The following USP7 variants were observed in gnomAD, a reference collection of about 807,000 sequenced individuals.
USP7 encodes ubiquitin C-terminal hydrolase 7.
In USP7, 9 loss-of-function variants were observed where a neutral mutation model predicts 162.9. The ratio of observed to expected loss-of-function variants is 0.06; its 90% CI spans 0.03 to 0.10. The LOEUF (loss-of-function observed/expected upper bound fraction) is 0.10. Ranked by LOEUF, USP7 falls within the 10% of genes least tolerant of loss-of-function variation. The probability of loss-of-function intolerance (pLI) is 1.00; values close to 1 mark genes in which losing one functional copy is unlikely to be tolerated. For missense variants in USP7, 715 were observed against 1,373.7 expected (o/e 0.52, Z 7.58); for synonymous variants, 562 against 475.9 (o/e 1.18, Z -2.35).
chr16:8,900,707 T>G (rs1007335733), intron 20 of USP7, 77 bp from the exon 21 acceptor site: 5 of 1,065,778 alleles, frequency 4.7e-6, no homozygotes, highest in Non-Finnish European at 6.9e-6. Flanking sequence ...TTCCATGTAC[T>G]TAAGTATTTT....
intron 1 of USP7, chr16:8,936,785 T>C (rs2141243306): frequency 1.5e-6 from 2 of 1,305,922 alleles, no homozygotes; most frequent in Non-Finnish European, 2.0e-6. Context: ...GCAACCTCAA[T>C]TTAGATAAGG....
chr16:8,962,331 A>T (rs571561072), intron 1 of USP7: 5 of 181,722 alleles, frequency 2.8e-5, no homozygotes, highest in Middle Eastern at 5.0e-4. Context: ...GTCGTGAGAA[A>T]AAGTGCCTTC....
In USP7 at chr16:8,900,941, C is replaced by T. The variant is rs754915162; in HGVS notation, c.2208+49G>A. ...GGTAAAAAGAACAAACAAAACCCTC[C>T]ACAAACTACTAAGAATATACTAATT... On this transcript the variant is annotated intron_variant, in intron 20 of 30. Transcript: ENST00000344836. The T allele has an allele frequency of 2.6e-5, 41 of 1,589,034 alleles. No individual in the cohort carries two copies. The East Asian group carries it at 6.9e-4, about 27-fold the overall frequency.
intron 11 of USP7, among the ~76,000 whole-genome samples, chr16:8,910,409 C>T (rs11648031): frequency 0.031 from 4,745 of 152,250 alleles, 97 homozygotes; most frequent in Non-Finnish European, 0.045. Context: ...CACAGTCCAA[C>T]TTACTAAGAA....
intron 1 of USP7, among the ~76,000 whole-genome samples, chr16:8,936,179 G>T (rs1249663000): frequency 6.6e-6 from 1 of 152,086 alleles, no homozygotes; most frequent in Non-Finnish European, 1.5e-5. Flanking sequence ...TCTCCACTCA[G>T]CCCCCCAGAT....
At chr16:8,925,628 C>G (rs1897944160) in intron 2 of USP7, among the ~76,000 whole-genome samples, 1 of 152,170 alleles carries the variant, frequency 6.6e-6, no homozygotes, top group African/African-American at 2.4e-5. Context: ...GCTGCCCAGC[C>G]CCGCAGAGGC....
At chr16:8,961,834 A>G (rs1900027928) in intron 1 of USP7, among the ~76,000 whole-genome samples, 1 of 152,192 alleles carries the variant, frequency 6.6e-6, no homozygotes, top group South Asian at 2.1e-4. Flanking sequence ...CACACATAAC[A>G]GGCGCTCTTA....
chr16:8,908,271 A>C, intron 12 of USP7, 70 bp downstream of exon 12: 2 of 1,239,194 alleles, frequency 1.6e-6, no homozygotes, highest in Non-Finnish European at 2.4e-6. Context: ...AGACTGAGGA[A>C]AGCACTGAGA....
chr16:8,947,053 G>C (rs1014800830), intron 1 of USP7, among the ~76,000 whole-genome samples: 1 of 152,120 alleles, frequency 6.6e-6, no homozygotes, highest in Non-Finnish European at 1.5e-5. Flanking sequence ...TCAGAGAATA[G>C]TCAATCATTC....
rs1214470808 is a variant in USP7 at position 8,963,821 on chromosome 16, G to C, written c.-536C>G. Among the ~76,000 whole-genome samples, 2 of 146,450 alleles carry C rather than the reference G, an allele frequency of 1.4e-5. No individual in the cohort carries two copies. The highest frequency in any genetic ancestry group is 1.4e-4 in the Admixed American group (2 of 14,760). On this transcript the variant is annotated 5_prime_UTR_variant, in exon 1 of 31. Coordinates refer to ENST00000344836, the MANE Select transcript of USP7 (RefSeq NM_003470.3). The stretch of plus-strand genomic sequence containing the variant: ...GAGAGCCGCGGCCTCCGCCTCCTCG[G>C]CGTCGTCGTCGGGGCTCCGGCAGCG...
chr16:8,963,160 A>C, intron 1 of USP7, 47 bp downstream of exon 1: 1 of 1,371,990 alleles, frequency 7.3e-7, no homozygotes. Flanking sequence ...CCCGGCCACA[A>C]TGAAAGGCGC....
chr16:8,913,012 G>A (rs1444961684), intron 10 of USP7, among the ~76,000 whole-genome samples: 2 of 152,200 alleles, frequency 1.3e-5, no homozygotes, highest in Non-Finnish European at 2.9e-5. Flanking sequence ...GGTAACCTCA[G>A]GCAGCCAGAA....
intron 25 of USP7, among the ~76,000 whole-genome samples, chr16:8,897,456 C>T (rs934968053): frequency 1.3e-5 from 2 of 151,960 alleles, no homozygotes; most frequent in African/African-American, 4.8e-5. Flanking sequence ...AGACCAGAGG[C>T]AGACTGTGGG....
intron 1 of USP7, among the ~76,000 whole-genome samples, chr16:8,955,076 A>G (rs1899730477): frequency 6.6e-6 from 1 of 152,244 alleles, no homozygotes; most frequent in Non-Finnish European, 1.5e-5. Context: ...TTAATCACCT[A>G]TACCCACTTT....
At chr16:8,896,308 T>C (rs1003613396) in intron 26 of USP7, among the ~76,000 whole-genome samples, 2 of 152,158 alleles carry the variant, frequency 1.3e-5, no homozygotes, top group Admixed American at 6.5e-5. Context: ...CTCCGAAAGT[T>C]GCATAAACCT....
At chr16:8,933,094 C>T (rs927989582) in intron 1 of USP7, among the ~76,000 whole-genome samples, 1 of 152,126 alleles carries the variant, frequency 6.6e-6, no homozygotes, top group Non-Finnish European at 1.5e-5. Flanking sequence ...GTGTGTACCA[C>T]CACGCTTGGC....
At chr16:8,961,453 C>T (rs1318341376) in intron 1 of USP7, among the ~76,000 whole-genome samples, 5 of 137,542 alleles carry the variant, frequency 3.6e-5, no homozygotes, top group South Asian at 2.2e-4. Context: ...GATCGCGCCA[C>T]TGCACTCCAG....
rs118119613 is a variant in USP7 at position 8,930,268 on chromosome 16, G to A, written c.184+25C>T. On this transcript the variant is annotated intron_variant, in intron 2 of 30. Transcript: ENST00000344836. Reference sequence around the variant, plus strand: ...TTTCTGACAAGTTTCCGCCCACTGCGAGGCGGTGAACCACAGGCACTTACC... The same window carrying A: ...TTTCTGACAAGTTTCCGCCCACTGCAAGGCGGTGAACCACAGGCACTTACC... 1.3e-3 allele frequency: 2,109 copies of A among 1,580,358 alleles called. 2 individuals carry two copies. Among genetic ancestry groups the A allele is most frequent in the Admixed American group, 2.8e-3 (164 of 57,716 alleles).
intron 15 of USP7, among the ~76,000 whole-genome samples, chr16:8,904,023 G>C (rs149920185): frequency 4.7e-4 from 71 of 152,248 alleles, no homozygotes; most frequent in South Asian, 1.9e-3. Context: ...GCAACCTGAC[G>C]TGCACTTAAT....
Sources: gnomAD v4.1 joint callset for allele counts (sites outside exome capture counted in the v4.1 genomes callset) on GRCh38, gnomAD v4.1.1 for gene constraint, MANE v1.5 for transcripts, NCBI Gene and HGNC (gene_info 2026-07-23, HGNC 2026-07-21) for gene names.